Variants in MCCC1 observed in about 807,000 individuals in gnomAD.
MCCC1 encodes methylcrotonyl-CoA carboxylase subunit 1, also known as methylcrotonoyl-CoA carboxylase subunit alpha, mitochondrial.
MCCC1 carries 64 observed loss-of-function variants against 83.8 expected under a neutral mutation model. The observed-to-expected ratio is 0.76, with a 90% CI of 0.62 to 0.94. The LOEUF (loss-of-function observed/expected upper bound fraction) is 0.94. Ranked by LOEUF, MCCC1 falls within the 40% of genes least tolerant of loss-of-function variation. MCCC1 has a pLI of 0.00. For synonymous variants in MCCC1, 322 were observed against 315.4 expected (o/e 1.02, Z -0.22); for missense variants, 807 against 904.7 (o/e 0.89, Z 1.39).
Position 183,015,434 on chromosome 3 carries a change from G to C in MCCC1, c.*4C>G. On this transcript the variant is annotated 3_prime_UTR_variant, in exon 19 of 19. Transcript: ENST00000265594. ...TACTTAACTGGCCATTTCCTTGCTGGAGTTTATTCCGATTCCCTTTTGTCT... is the reference window on the plus strand; with the variant it reads ...TACTTAACTGGCCATTTCCTTGCTGCAGTTTATTCCGATTCCCTTTTGTCT... 2 of 1,614,158 alleles carry C rather than the reference G, an allele frequency of 1.2e-6. No individual in the cohort carries two copies. The highest frequency in any genetic ancestry group is 2.2e-5 in the South Asian group (2 of 91,084).
At chr3:183,024,048 C>T (rs569900650) in intron 15 of MCCC1, among the ~76,000 whole-genome samples, 5 of 152,214 alleles carry the variant, frequency 3.3e-5, no homozygotes, top group Admixed American at 6.5e-5. Flanking sequence ...GTCGGGAGTT[C>T]GAGGCCAGCC....
intron 9 of MCCC1, among the ~76,000 whole-genome samples, chr3:183,046,490 C>T (rs1005894094): frequency 3.3e-5 from 5 of 151,882 alleles, no homozygotes; most frequent in Admixed American, 6.6e-5. Context: ...CTCTGCCTCC[C>T]GGGTTCAAGC....
At chr3:183,063,420 A>T (rs967042413) in intron 7 of MCCC1, among the ~76,000 whole-genome samples, 1 of 152,180 alleles carries the variant, frequency 6.6e-6, no homozygotes, top group Non-Finnish European at 1.5e-5. Flanking sequence ...AATAGTTTTG[A>T]TAAGATTTGT....
chr3:183,086,133 G>A (rs1717875827), intron 4 of MCCC1, among the ~76,000 whole-genome samples: 2 of 152,162 alleles, frequency 1.3e-5, no homozygotes, highest in Non-Finnish European at 1.5e-5. Flanking sequence ...CTGCTGAAAC[G>A]TCAAATGGAA....
At chr3:183,065,507 G>A (rs1716190677) in intron 7 of MCCC1, among the ~76,000 whole-genome samples, 1 of 152,166 alleles carries the variant, frequency 6.6e-6, no homozygotes, top group South Asian at 2.1e-4. Context: ...AGTAATCTTT[G>A]AGAAATTGAA....
upstream of MCCC1, among the ~76,000 whole-genome samples, chr3:183,103,289 C>T (rs1375849678): frequency 1.3e-5 from 2 of 152,024 alleles, no homozygotes; most frequent in Non-Finnish European, 2.9e-5. Flanking sequence ...CAGACCCGAG[C>T]GGGTTGGCAC....
At chr3:183,113,741 A>G (rs1329777300) in intron 1 of MCCC1, among the ~76,000 whole-genome samples, 1 of 152,060 alleles carries the variant, frequency 6.6e-6, no homozygotes, top group African/African-American at 2.4e-5. Flanking sequence ...AGGGTCCTTT[A>G]TAATAAACTG....
chr3:183,106,537 C>T (rs1719410182), intron 1 of MCCC1, among the ~76,000 whole-genome samples: 2 of 142,790 alleles, frequency 1.4e-5, no homozygotes, highest in South Asian at 2.1e-4. Flanking sequence ...CTCGCTCTGT[C>T]GCCCAGGCTG....
At chr3:183,070,155 G>GT (rs1716554780) in intron 7 of MCCC1, among the ~76,000 whole-genome samples, 1 of 152,230 alleles carries the variant, frequency 6.6e-6, no homozygotes, top group Admixed American at 6.5e-5. Context: ...TAAGTGCAAT[G>GT]TAAGTGTTAG....
In MCCC1 at chr3:183,015,438, T is replaced by G; in HGVS notation, c.2178A>C (p.Ter726TyrextTer10). The G allele has an allele frequency of 6.2e-7, 1 of 1,614,182 alleles. No individual in the cohort carries two copies. Among genetic ancestry groups the G allele is most frequent in the Non-Finnish European group, 8.5e-7 (1 of 1,180,020 alleles). Residue 726 changes from the stop codon to tyrosine, a stop_lost, in exon 19 of 19, where the codon TAA (stop) becomes TAC (tyrosine). Transcript: ENST00000265594. Reference sequence around the variant, plus strand: ...TAACTGGCCATTTCCTTGCTGGAGTTTATTCCGATTCCCTTTTGTCTGATT... The same window carrying G: ...TAACTGGCCATTTCCTTGCTGGAGTGTATTCCGATTCCCTTTTGTCTGATT... ...EEESDKRESE[*>Y]
At position 183,045,541 on chromosome 3, in the gene MCCC1, C is replaced by A; in HGVS notation, c.956-1G>T. Reference sequence around the variant, plus strand: ...GAGTCCATAATAAACTCCACAGTCCCTAAAAGGTAAAAAACAATGGTCATA... The same window carrying A: ...GAGTCCATAATAAACTCCACAGTCCATAAAAGGTAAAAAACAATGGTCATA... On this transcript the variant is annotated splice_acceptor_variant, in intron 9 of 18. Transcript: ENST00000265594. LOFTEE classifies it high-confidence loss of function. 6.2e-7 allele frequency: 1 copy of A among 1,613,744 alleles called. No individual in the cohort carries two copies. Among genetic ancestry groups the A allele is most frequent in the South Asian group, 1.1e-5 (1 of 91,032 alleles).
Position 183,041,640 on chromosome 3 carries a change from C to T in MCCC1, c.1194G>A (p.Val398=), listed in dbSNP as rs1714095838. 1 of 1,614,160 alleles carries T rather than the reference C, an allele frequency of 6.2e-7. No individual in the cohort carries two copies. Among genetic ancestry groups the T allele is most frequent in the Non-Finnish European group, 8.5e-7 (1 of 1,180,004 alleles). Residue 398 remains valine (V), a synonymous_variant, in exon 11 of 19, where the codon GTG becomes GTA. Transcript: ENST00000265594. ...TAGAGAGGTGCACTAATGGGCCTGCCACAGGCATGAAGTTATTGCTAGGAT... is the reference window on the plus strand; with the variant it reads ...TAGAGAGGTGCACTAATGGGCCTGCTACAGGCATGAAGTTATTGCTAGGAT... ...AEDPSNNFMP[V]AGPLVHLSTP... is the part of the protein sequence containing the mutation.
chr3:183,017,674 T>C, intron 17 of MCCC1: 1 of 321,970 alleles, frequency 3.1e-6, no homozygotes, highest in East Asian at 7.5e-5. Flanking sequence ...ATCAGAGGCC[T>C]ACAGGTCAAA....
At chr3:183,037,554 A>G (rs1184369738) in intron 12 of MCCC1, 120 bp from the exon 13 acceptor site, 20 of 889,294 alleles carry the variant, frequency 2.2e-5, no homozygotes, top group African/African-American at 1.8e-4. Flanking sequence ...AAAATAAAAA[A>G]CCTACTAAGG....
At chr3:183,105,305 T>A (rs1431569267) in intron 1 of MCCC1, among the ~76,000 whole-genome samples, 1 of 152,016 alleles carries the variant, frequency 6.6e-6, no homozygotes, top group African/African-American at 2.4e-5. Flanking sequence ...GGTCACGCCA[T>A]TGCACCCCAG....
At position 183,016,883 on chromosome 3, in the gene MCCC1, C is replaced by T. The variant is rs565732617; in HGVS notation, c.2049+383G>A. ...AAACTGATGCCTGGCATCCTTGGTT[C>T]GGCCTTAGAACCAAGATAATACCAA... On this transcript the variant is annotated intron_variant, in intron 18 of 18. Transcript: ENST00000265594. Among the ~76,000 whole-genome samples the T allele has an allele frequency of 7.2e-5, 11 of 152,294 alleles. No individual in the cohort carries two copies. The South Asian group carries it at 1.9e-3, about 26-fold the overall frequency.
intron 14 of MCCC1, among the ~76,000 whole-genome samples, chr3:183,027,429 T>A (rs1712703817): frequency 6.6e-6 from 1 of 152,208 alleles, no homozygotes; most frequent in Admixed American, 6.5e-5. Flanking sequence ...AAGTTAGGCT[T>A]CTGATGCCAA....
At chr3:183,088,430 C>T (rs549207161) in intron 3 of MCCC1, among the ~76,000 whole-genome samples, 1 of 152,296 alleles carries the variant, frequency 6.6e-6, no homozygotes, top group African/African-American at 2.4e-5. Context: ...TAATCTCAAA[C>T]TCCTGACCTC....
rs574724606 is a variant in MCCC1, at chr3:183,031,787, C to T, written c.1681+2204G>A. Among the ~76,000 whole-genome samples the T allele has an allele frequency of 1.7e-4, 25 of 150,732 alleles. No homozygotes were observed. The East Asian group carries it at 2.5e-3, about 15-fold the overall frequency. On this transcript the variant is annotated intron_variant, in intron 14 of 18. Transcript: ENST00000265594. ...TGCTGGGGTTACGGGTGGGAGATAC[C>T]GTGCCTGGCACTTCTGGTATCTTTT... is the stretch of plus-strand genomic sequence containing the variant.
Sources: allele counts gnomAD v4.1 joint callset (sites outside exome capture counted in the v4.1 genomes callset), GRCh38; gene constraint gnomAD v4.1.1; transcripts MANE v1.5; gene names NCBI Gene and HGNC (gene_info 2026-07-23, HGNC 2026-07-21).